Variants in CELF4 observed in about 807,000 individuals in gnomAD.
The protein encoded by CELF4 is CUG-BP- and ETR-3-like factor 4.
CELF4 carries 18 observed loss-of-function variants against 59.9 expected under a neutral mutation model. The ratio of observed to expected loss-of-function variants is 0.30; its 90% confidence interval spans 0.21 to 0.45. CELF4 has a LOEUF of 0.45. CELF4 is among the 20% of genes least tolerant of loss of function. CELF4 has a pLI of 1.00. For missense variants in CELF4, 456 were observed against 689.0 expected (o/e 0.66, Z 3.79); for synonymous variants, 261 against 267.1 (o/e 0.98, Z 0.22).
At chr18:37,388,043 G>A (rs926518544) in intron 2 of CELF4, among the ~76,000 whole-genome samples, 8 of 152,052 alleles carry the variant, frequency 5.3e-5, no homozygotes, top group African/African-American at 1.9e-4. Context: ...CACACTCGGT[G>A]GAAGGCAGGA....
intron 1 of CELF4, among the ~76,000 whole-genome samples, chr18:37,547,423 T>G (rs1356653989): frequency 1.3e-5 from 2 of 152,146 alleles, no homozygotes; most frequent in Non-Finnish European, 2.9e-5. Flanking sequence ...TGCCACCCCC[T>G]GGAGGCTGCC....
chr18:37,270,656 T>A, intron 8 of CELF4, 112 bp downstream of exon 8: 1 of 1,313,114 alleles, frequency 7.6e-7, no homozygotes, highest in Non-Finnish European at 1.1e-6. Flanking sequence ...TGGGGTTTCA[T>A]CAAGGAATGG....
At chr18:37,522,498 T>G (rs2099958635) in intron 1 of CELF4, among the ~76,000 whole-genome samples, 1 of 152,002 alleles carries the variant, frequency 6.6e-6, no homozygotes, top group African/African-American at 2.4e-5. Context: ...TCTGACTGGA[T>G]AGCTCTGTGT....
intron 2 of CELF4, among the ~76,000 whole-genome samples, chr18:37,356,327 G>A (rs2098568031): frequency 6.6e-6 from 1 of 152,214 alleles, no homozygotes; most frequent in Admixed American, 6.5e-5. Flanking sequence ...TCTATTCTGT[G>A]TTACAGTAAT....
In CELF4 at chr18:37,264,661, C is replaced by T. The variant is rs1233258630; in HGVS notation, c.1249+13G>A. On this transcript the variant is annotated intron_variant, in intron 10 of 12. Coordinates refer to ENST00000420428, the MANE Select transcript of CELF4 (RefSeq NM_020180.4). ...GGGGAGGGAGGGGCCCAGGAGCTGGCCTGCAGACTCACCTTCTCTCTGCTG... is the reference window on the plus strand; with the variant it reads ...GGGGAGGGAGGGGCCCAGGAGCTGGTCTGCAGACTCACCTTCTCTCTGCTG... 5 of 1,563,478 alleles carry T rather than the reference C, an allele frequency of 3.2e-6. No individual in the cohort carries two copies. In the African/African-American group the frequency reaches 5.4e-5, roughly 17 times the overall value.
intron 6 of CELF4, chr18:37,273,616 C>G: frequency 5.1e-6 from 5 of 989,914 alleles, no homozygotes; most frequent in Non-Finnish European, 6.0e-6. Flanking sequence ...GAACCCCAGG[C>G]ACCCCTAGTG....
chr18:37,368,026 CA>C (rs948016278), intron 2 of CELF4, among the ~76,000 whole-genome samples: 3 of 152,004 alleles, frequency 2.0e-5, no homozygotes, highest in Non-Finnish European at 2.9e-5. Context: ...GGAGGGGAAC[CA>C]GCCCTGGGTA....
chr18:37,348,754 A>T (rs2098361300), intron 2 of CELF4, among the ~76,000 whole-genome samples: 1 of 151,952 alleles, frequency 6.6e-6, no homozygotes, highest in African/African-American at 2.4e-5. Flanking sequence ...TTACTTTCTC[A>T]CACCTCCTTT....
intron 2 of CELF4, among the ~76,000 whole-genome samples, chr18:37,341,499 C>T (rs1477292473): frequency 6.6e-6 from 1 of 152,180 alleles, no homozygotes; most frequent in African/African-American, 2.4e-5. Flanking sequence ...CAGGGGCATC[C>T]CACTGGAAGG....
At chr18:37,465,737 T>G (rs1211435969) in intron 2 of CELF4, among the ~76,000 whole-genome samples, 1 of 151,952 alleles carries the variant, frequency 6.6e-6, no homozygotes, top group Non-Finnish European at 1.5e-5. Context: ...GGTTATGCAG[T>G]AAGTGTAATG....
intron 2 of CELF4, among the ~76,000 whole-genome samples, chr18:37,378,853 T>C (rs996081160): frequency 6.6e-6 from 1 of 151,266 alleles, no homozygotes; most frequent in Non-Finnish European, 1.5e-5. Context: ...TGGGGCAGCA[T>C]GGGAGGGGGC....
intron 1 of CELF4, among the ~76,000 whole-genome samples, chr18:37,548,600 T>C (rs1444307694): frequency 1.3e-5 from 2 of 152,182 alleles, no homozygotes; most frequent in Non-Finnish European, 2.9e-5. Flanking sequence ...ATAGGGGTGC[T>C]GATAGGGGTG....
intron 8 of CELF4, among the ~76,000 whole-genome samples, chr18:37,270,459 C>G (rs921959113): frequency 1.3e-5 from 2 of 152,252 alleles, no homozygotes; most frequent in Non-Finnish European, 2.9e-5. Flanking sequence ...TTATTTTGCA[C>G]TTACTGGCCT....
intron 2 of CELF4, among the ~76,000 whole-genome samples, chr18:37,450,473 C>A (rs2099760149): frequency 6.6e-6 from 1 of 151,680 alleles, no homozygotes. Context: ...CAAAGGACTG[C>A]CATTTCCCTC....
At chr18:37,255,585 GTCCCCACC>G (rs1568996254) in intron 11 of CELF4, among the ~76,000 whole-genome samples, 1 of 150,814 alleles carries the variant, frequency 6.6e-6, no homozygotes, top group Admixed American at 6.7e-5. Context: ...CTCCTGGCCC[GTCCCCACC>G]TCCGCTGACC....
At chr18:37,427,880 GT>G (rs1277758254) in intron 2 of CELF4, among the ~76,000 whole-genome samples, 10 of 152,338 alleles carry the variant, frequency 6.6e-5, no homozygotes, top group Admixed American at 5.9e-4. Context: ...CCCATACAAT[GT>G]TTTGCTGTCC....
At chr18:37,507,822 C>T (rs1441163099) in intron 1 of CELF4, among the ~76,000 whole-genome samples, 1 of 152,216 alleles carries the variant, frequency 6.6e-6, no homozygotes, top group East Asian at 1.9e-4. Flanking sequence ...GGGCCCCTCA[C>T]ATTTAACTTG....
chr18:37,395,158 T>A (rs1336674440), intron 2 of CELF4, among the ~76,000 whole-genome samples: 2 of 152,092 alleles, frequency 1.3e-5, no homozygotes, highest in African/African-American at 4.8e-5. Context: ...GTTCACTGTC[T>A]CCCTGGCAGA....
At chr18:37,265,576 C>T (rs1008663580) in intron 9 of CELF4, among the ~76,000 whole-genome samples, 1 of 152,288 alleles carries the variant, frequency 6.6e-6, no homozygotes, top group Middle Eastern at 3.4e-3. Flanking sequence ...GGGTAGTCCC[C>T]AGGGGCAGAG....
Sources: allele counts gnomAD v4.1 joint callset (sites outside exome capture counted in the v4.1 genomes callset), GRCh38; gene constraint gnomAD v4.1.1; transcripts MANE v1.5; gene names NCBI Gene and HGNC (gene_info 2026-07-23, HGNC 2026-07-21).